Variants in PKN2 observed in about 807,000 individuals in gnomAD.
The protein encoded by PKN2 is serine/threonine-protein kinase N2.
In PKN2, 38 loss-of-function variants were observed where a neutral mutation model predicts 119.1. The ratio of observed to expected loss-of-function variants is 0.32; its 90% CI spans 0.25 to 0.42. The LOEUF is 0.42. Among genes scored for constraint, PKN2 ranks in the 10% least tolerant of loss-of-function variants. The pLI, the probability that PKN2 is intolerant of heterozygous loss-of-function variation, is 1.00. For missense variants in PKN2, 850 were observed against 1,165.1 expected (o/e 0.73, Z 3.94); for synonymous variants, 390 against 384.9 (o/e 1.01, Z -0.15).
intron 3 of PKN2, among the ~76,000 whole-genome samples, chr1:88,767,714 G>C (rs2100795062): frequency 6.6e-6 from 1 of 152,280 alleles, no homozygotes; most frequent in Non-Finnish European, 1.5e-5. Context: ...CTAAATGACT[G>C]ACTTTGGGAA....
At chr1:88,706,007 G>A (rs943692898) in intron 1 of PKN2, among the ~76,000 whole-genome samples, 4 of 150,352 alleles carry the variant, frequency 2.7e-5, no homozygotes, top group East Asian at 1.9e-4. Context: ...TTTTAAAACC[G>A]GCTTGCCAAT....
intron 8 of PKN2, among the ~76,000 whole-genome samples, chr1:88,796,817 T>A (rs1194494561): frequency 6.6e-6 from 1 of 152,216 alleles, no homozygotes; most frequent in East Asian, 1.9e-4. Flanking sequence ...CAGGACCATA[T>A]GTTACTTATC....
chr1:88,756,868 A>G (rs932790698), intron 2 of PKN2, among the ~76,000 whole-genome samples: 1 of 152,092 alleles, frequency 6.6e-6, no homozygotes, highest in African/African-American at 2.4e-5. Context: ...AATTTATTTA[A>G]TCTTCACTAT....
intron 16 of PKN2, among the ~76,000 whole-genome samples, chr1:88,820,952 T>G (rs1672263007): frequency 6.6e-6 from 1 of 152,208 alleles, no homozygotes; most frequent in South Asian, 2.1e-4. Flanking sequence ...ATTGAAAAAG[T>G]CAAACATGGT....
intron 1 of PKN2, among the ~76,000 whole-genome samples, chr1:88,719,667 C>A (rs900603670): frequency 6.6e-6 from 1 of 152,094 alleles, no homozygotes; most frequent in African/African-American, 2.4e-5. Flanking sequence ...TAAAAAATAA[C>A]ACTCTAGCAC....
At chr1:88,776,671 C>CA (rs1670119647) in intron 6 of PKN2, among the ~76,000 whole-genome samples, 1 of 151,162 alleles carries the variant, frequency 6.6e-6, no homozygotes, top group African/African-American at 2.4e-5. Flanking sequence ...ACGCGGGAGG[C>CA]GGAGGTTGCA....
Position 88,741,105 on chromosome 1 carries a change from A to G in PKN2, c.166A>G (p.Ile56Val). Residue 56 changes from isoleucine to valine, a missense_variant, in exon 2 of 22, where the codon ATA becomes GTA. Ile to Val is a conservative substitution (Grantham distance 29). Transcript: ENST00000370521. ...DDIKDRIKRE[I>V]RKELKIKEGA... ...TATCAAGGATCGAATTAAGAGAGAAATAAGGAAAGAACTGAAAATCAAAGA... is the reference window on the plus strand; with the variant it reads ...TATCAAGGATCGAATTAAGAGAGAAGTAAGGAAAGAACTGAAAATCAAAGA... 6.2e-7 allele frequency: 1 copy of G among 1,612,352 alleles called. No homozygotes were observed. Among genetic ancestry groups the G allele is most frequent in the Non-Finnish European group, 8.5e-7 (1 of 1,179,302 alleles).
chr1:88,801,258 G>A (rs1456510382), intron 8 of PKN2, among the ~76,000 whole-genome samples: 2 of 152,112 alleles, frequency 1.3e-5, no homozygotes, highest in Admixed American at 6.6e-5. Context: ...GGTGGTGGGT[G>A]CCTGTAATCT....
intron 8 of PKN2, among the ~76,000 whole-genome samples, chr1:88,799,776 G>A (rs1029874018): frequency 6.6e-6 from 1 of 152,164 alleles, no homozygotes; most frequent in Non-Finnish European, 1.5e-5. Context: ...CTTGTCCTCA[G>A]ATTCTTTTCA....
chr1:88,767,891 G>A (rs1669729221), intron 3 of PKN2, among the ~76,000 whole-genome samples: 2 of 152,074 alleles, frequency 1.3e-5, no homozygotes, highest in East Asian at 3.8e-4. Flanking sequence ...TATAGTGTGT[G>A]TTTGATTTAT....
Position 88,684,599 on chromosome 1 carries a change from C to CG in PKN2, c.25dup (p.Glu9GlyfsTer18). On this transcript the variant is annotated frameshift_variant, in exon 1 of 22. Coordinates refer to ENST00000370521, the MANE Select transcript of PKN2 (RefSeq NM_006256.4). LOFTEE classifies it high-confidence loss of function. Reference sequence around the variant, plus strand: ...GAGCGCAATGGCGTCCAACCCCGAACGGGGGGAGATTCTGCTCACGGAACT... The same window carrying CG: ...GAGCGCAATGGCGTCCAACCCCGAACGGGGGGGAGATTCTGCTCACGGAACT... The CG allele has an allele frequency of 1.3e-6, 2 of 1,562,172 alleles. No individual in the cohort carries two copies.
At position 88,787,008 on chromosome 1, in the gene PKN2, C is replaced by A. The variant is rs1670605610; in HGVS notation, c.1281+795C>A. ...AAAGTAGAGGATAGAACAGTAATCA[C>A]CAAAACATTTTTAAAGCATTCAATG... On this transcript the variant is annotated intron_variant, in intron 8 of 21. Transcript: ENST00000370521. Among the ~76,000 whole-genome samples, 5 of 145,472 alleles carry A rather than the reference C, an allele frequency of 3.4e-5. No homozygotes were observed. The South Asian group carries it at 9.0e-4, about 26-fold the overall frequency.
chr1:88,769,120 G>T lies in PKN2; in HGVS notation c.505-1232G>T, dbSNP rs902525731. On this transcript the variant is annotated intron_variant, in intron 3 of 21. Coordinates refer to ENST00000370521, the MANE Select transcript of PKN2 (RefSeq NM_006256.4). ...CAGTAGGCCTCGCTTCAGACACTGA[G>T]GAATTACATTTCAAAATGAGATTTA... Among the ~76,000 whole-genome samples the T allele has an allele frequency of 2.0e-5, 3 of 152,230 alleles. No homozygotes were observed. The South Asian group carries it at 6.2e-4, about 32-fold the overall frequency.
chr1:88,740,994 T>G lies in PKN2; in HGVS notation c.55T>G (p.Ser19Ala), dbSNP rs748752260. Reference sequence around the variant, plus strand: ...ATGTTTATTTTTTCTGTAGGGGGATTCCCGAAGTCTTCCGTTTTCTGAGAA... The same window carrying G: ...ATGTTTATTTTTTCTGTAGGGGGATGCCCGAAGTCTTCCGTTTTCTGAGAA... Reference protein sequence around the residue: ...EILLTELQGDSRSLPFSENVS... With the variant: ...EILLTELQGDARSLPFSENVS... Residue 19 changes from serine (S) to alanine (A), a missense_variant, in exon 2 of 22, where the codon TCC (serine) becomes GCC (alanine). By Grantham distance (99) the Ser-to-Ala change is moderately conservative. Around this residue, in one of 9 missense-constraint regions of PKN2, gnomAD observed 73 missense variants for 61.2 expected, o/e 1.19. Transcript: ENST00000370521. The G allele has an allele frequency of 1.4e-5, 22 of 1,560,128 alleles. No individual in the cohort carries two copies. The highest frequency in any genetic ancestry group is 1.9e-5 in the Non-Finnish European group (22 of 1,159,614).
Position 88,833,371 on chromosome 1 carries a change from C to A in PKN2, c.2878C>A (p.Pro960Thr). ...FTSEAPILTP[P>T]REPRILSEEE... ...CTCAGAAGCACCTATTCTGACTCCA[C>A]CTCGAGAACCAAGGATACTTTCGGA... Residue 960 changes from proline (P) to threonine (T), a missense_variant, in exon 22 of 22, where the codon CCT (proline) becomes ACT (threonine). By Grantham distance (38) the Pro-to-Thr change is conservative. Around this residue, in one of 9 missense-constraint regions of PKN2, gnomAD observed 52 missense variants for 39.9 expected, o/e 1.30. Transcript: ENST00000370521. 1 of 1,613,458 alleles carries A rather than the reference C, an allele frequency of 6.2e-7. No homozygotes were observed. Among genetic ancestry groups the A allele is most frequent in the South Asian group, 1.1e-5 (1 of 91,058 alleles).
chr1:88,760,280 T>A lies in PKN2; in HGVS notation c.408T>A (p.Asn136Lys). 6.3e-7 allele frequency: 1 copy of A among 1,576,724 alleles called. No homozygotes were observed. The highest frequency in any genetic ancestry group is 8.7e-7 in the Non-Finnish European group (1 of 1,147,792). Residue 136 changes from asparagine (N) to lysine (K), a missense_variant, in exon 3 of 22, where the codon AAT (asparagine) becomes AAA (lysine). Transcript: ENST00000370521. ...NNDPRCSTSN[N>K]RLKALQKQLD... ...ACCCTCGTTGTTCTACTAGCAACAA[T>A]AGATTGAAGGCCTTACAAAAACAAT...
At chr1:88,819,620 T>G (rs2100909920) in intron 16 of PKN2, among the ~76,000 whole-genome samples, 1 of 152,248 alleles carries the variant, frequency 6.6e-6, no homozygotes, top group Admixed American at 6.5e-5. Context: ...TCCTCAAGGA[T>G]CTAGAACTAG....
intron 8 of PKN2, among the ~76,000 whole-genome samples, chr1:88,788,953 C>A (rs528709934): frequency 1.3e-5 from 2 of 152,278 alleles, no homozygotes; most frequent in South Asian, 2.1e-4. Context: ...TTAACTCTTT[C>A]CCTTGCACCT....
chr1:88,704,653 C>T (rs765770216), intron 1 of PKN2, among the ~76,000 whole-genome samples: 23 of 151,766 alleles, frequency 1.5e-4, no homozygotes, highest in Non-Finnish European at 2.8e-4. Flanking sequence ...CGGTGTTTTG[C>T]ACATGTGGTT....
Sources: gnomAD v4.1 joint callset for allele counts (sites outside exome capture counted in the v4.1 genomes callset) on GRCh38, gnomAD v4.1.1 for gene constraint, gnomAD v4.1.1 regional missense constraint, MANE v1.5 for transcripts, NCBI Gene and HGNC (gene_info 2026-07-23, HGNC 2026-07-21) for gene names.